Variants in HMGB1 observed in about 807,000 individuals in gnomAD.
The protein encoded by HMGB1 is high mobility group box 1.
For missense variants in HMGB1, 79 were observed against 253.5 expected, an observed-to-expected ratio of 0.31 and a Z score of 4.67; for synonymous variants, 81 against 84.0, an observed-to-expected ratio of 0.96 and a Z score of 0.19.
At chr13:30,583,149 G>A (rs966724561) in intron 1 of HMGB1, among the ~76,000 whole-genome samples, 2 of 151,994 alleles carry the variant, frequency 1.3e-5, no homozygotes, top group Non-Finnish European at 2.9e-5. Flanking sequence ...TTTCAAGTAT[G>A]AGCCACTGTG....
At chr13:30,503,647 C>CTTTT (rs10590461) in intron 1 of HMGB1, among the ~76,000 whole-genome samples, 130 of 106,326 alleles carry the variant, frequency 1.2e-3, no homozygotes, top group East Asian at 1.6e-3. Context: ...TACTCAGCTT[C>CTTTT]TTTTTTTTTT....
At chr13:30,482,116 CA>C (rs1256319478) in intron 1 of HMGB1, among the ~76,000 whole-genome samples, 2 of 152,180 alleles carry the variant, frequency 1.3e-5, no homozygotes, top group Non-Finnish European at 2.9e-5. Context: ...CTACTGTAGA[CA>C]CATATTATTG....
intron 1 of HMGB1, 197 bp from the exon 2 acceptor site, chr13:30,463,891 C>A: frequency 2.0e-6 from 1 of 512,710 alleles, no homozygotes; most frequent in South Asian, 2.9e-5. Context: ...CAAAACAAAA[C>A]AAAAACAGTC....
chr13:30,497,668 A>C (rs1488230185), intron 1 of HMGB1, among the ~76,000 whole-genome samples: 1 of 151,960 alleles, frequency 6.6e-6, no homozygotes. Context: ...GTGTGTACTC[A>C]CTGTTTAGCT....
At chr13:30,516,923 A>G (rs1371907105) in intron 1 of HMGB1, among the ~76,000 whole-genome samples, 1 of 152,134 alleles carries the variant, frequency 6.6e-6, no homozygotes, top group Non-Finnish European at 1.5e-5. Flanking sequence ...TCTCAAAATA[A>G]TAATAATAAG....
chr13:30,556,119 T>C (rs570127704), intron 1 of HMGB1, among the ~76,000 whole-genome samples: 191 of 152,332 alleles, frequency 1.3e-3, no homozygotes, highest in Non-Finnish European at 2.4e-3. Flanking sequence ...AAACAAGTCA[T>C]TGAGGCTGGG....
intron 1 of HMGB1, among the ~76,000 whole-genome samples, chr13:30,558,655 T>C (rs142144625): frequency 4.6e-4 from 70 of 152,338 alleles, no homozygotes; most frequent in African/African-American, 1.7e-3. Flanking sequence ...ACCTTCCTTT[T>C]TCCAAAAAGA....
At chr13:30,477,705 A>T (rs564174820) in intron 1 of HMGB1, among the ~76,000 whole-genome samples, 49 of 152,300 alleles carry the variant, frequency 3.2e-4, no homozygotes, top group African/African-American at 1.2e-3. Context: ...GACCTGACAA[A>T]TATCTTCCTC....
At chr13:30,579,599 T>C (rs1286520593) in intron 1 of HMGB1, among the ~76,000 whole-genome samples, 6 of 152,168 alleles carry the variant, frequency 3.9e-5, no homozygotes, top group African/African-American at 1.4e-4. Flanking sequence ...TTACAAAACA[T>C]TTAACCTTAC....
chr13:30,477,694 A>T (rs1183606799), intron 1 of HMGB1, among the ~76,000 whole-genome samples: 1 of 152,226 alleles, frequency 6.6e-6, no homozygotes, highest in African/African-American at 2.4e-5. Flanking sequence ...AAATCCTAGC[A>T]GACCTGACAA....
In HMGB1 at chr13:30,564,965, T is replaced by C. The variant is rs150420762; in HGVS notation, c.-15+51706A>G. Among the ~76,000 whole-genome samples the C allele has an allele frequency of 4.5e-4, 69 of 152,288 alleles. 1 individual carries two copies. The highest frequency in any genetic ancestry group is 1.6e-3 in the African/African-American group (67 of 41,564). On this transcript the variant is annotated intron_variant, in intron 1 of 4. Coordinates refer to the HMGB1 transcript ENST00000405805. ...AACCATGGTCTCCTAATGCAGCAAATTAAAACACATGATAGCTACAATTAA... is the reference window on the plus strand; with the variant it reads ...AACCATGGTCTCCTAATGCAGCAAACTAAAACACATGATAGCTACAATTAA...
chr13:30,586,566 C>A (rs1349870676), intron 1 of HMGB1, among the ~76,000 whole-genome samples: 2 of 140,352 alleles, frequency 1.4e-5, no homozygotes, highest in Non-Finnish European at 3.0e-5. Flanking sequence ...CGGCTCACTG[C>A]AAGTTCCACC....
intron 1 of HMGB1, chr13:30,539,933 CTTA>C (rs1868785940): frequency 6.3e-6 from 1 of 157,912 alleles, no homozygotes; most frequent in Non-Finnish European, 1.4e-5. Flanking sequence ...TTGCAATCAA[CTTA>C]TTAAAGGACT....
At chr13:30,606,472 A>T (rs1183082725) in intron 1 of HMGB1, among the ~76,000 whole-genome samples, 3 of 143,920 alleles carry the variant, frequency 2.1e-5, no homozygotes, top group African/African-American at 5.4e-5. Flanking sequence ...CAAACCAAAC[A>T]TTTTATTGAT....
intron 1 of HMGB1, among the ~76,000 whole-genome samples, chr13:30,605,576 G>A (rs956171729): frequency 3.3e-5 from 5 of 152,206 alleles, no homozygotes; most frequent in Non-Finnish European, 1.5e-5. Flanking sequence ...GGCCAATGCC[G>A]ACGTGGAAAT....
At chr13:30,584,337 T>C (rs1172273280) in intron 1 of HMGB1, among the ~76,000 whole-genome samples, 1 of 152,212 alleles carries the variant, frequency 6.6e-6, no homozygotes, top group Admixed American at 6.5e-5. Flanking sequence ...CTCCACCCAT[T>C]ATATAATCTT....
In HMGB1 at chr13:30,457,695, G is replaced by C. The variant is rs1565989818; in HGVS notation, c.*3662C>G. ...CGAGCATTACATATTCTGGAGTGTG[G>C]CATATTATGTTTGTGTCATTCCATG... On this transcript the variant is annotated 3_prime_UTR_variant, in exon 5 of 5. Transcript: ENST00000341423. The C allele has an allele frequency of 6.6e-6, 1 of 152,170 alleles. No individual in the cohort carries two copies. 9.4% of individuals were successfully genotyped at this position (152,170 alleles called of 1,614,324 possible).
chr13:30,605,355 A>C (rs1212370825), intron 1 of HMGB1, among the ~76,000 whole-genome samples: 1 of 152,222 alleles, frequency 6.6e-6, no homozygotes, highest in African/African-American at 2.4e-5. Context: ...TTAGGAACTA[A>C]ACACAAATTG....
intron 1 of HMGB1, among the ~76,000 whole-genome samples, chr13:30,570,239 G>C (rs1285074731): frequency 6.6e-6 from 1 of 152,190 alleles, no homozygotes; most frequent in African/African-American, 2.4e-5. Flanking sequence ...GATCACTTGA[G>C]GCCAGGAGTT....
Sources: allele counts gnomAD v4.1 joint callset (sites outside exome capture counted in the v4.1 genomes callset), GRCh38; gene constraint gnomAD v4.1.1; transcripts MANE v1.5; gene names NCBI Gene and HGNC (gene_info 2026-07-23, HGNC 2026-07-21).